Variants in CNTN4 observed in about 807,000 individuals in gnomAD.
CNTN4 encodes the protein contactin-4.
Under a neutral mutation model 122.5 loss-of-function variants are expected in CNTN4, and 77 were observed. The observed-to-expected ratio is 0.63, with a 90% confidence interval of 0.52 to 0.76. The LOEUF is 0.76. Among genes scored for constraint, CNTN4 ranks in the 30% least tolerant of loss-of-function variants. The probability of loss-of-function intolerance (pLI) is 0.00; values close to 1 mark genes in which losing one functional copy is unlikely to be tolerated. For synonymous variants in CNTN4, 512 were observed against 447.0 expected, an observed-to-expected ratio of 1.15 and a Z score of -1.83; for missense variants, 1,256 against 1,259.1, an observed-to-expected ratio of 1.00 and a Z score of 0.04.
At chr3:3,044,487 A>G (rs542146543) in intron 23 of CNTN4, among the ~76,000 whole-genome samples, 7 of 152,294 alleles carry the variant, frequency 4.6e-5, no homozygotes, top group Admixed American at 4.6e-4. Context: ...CATGCTCTCT[A>G]TGAGGCCTTT....
chr3:2,242,499 T>C lies in CNTN4; in HGVS notation c.-144-96679T>C, dbSNP rs540486217. Among the ~76,000 whole-genome samples, 25 of 152,248 alleles carry C rather than the reference T, an allele frequency of 1.6e-4. No individual in the cohort carries two copies. In the South Asian group the frequency reaches 3.5e-3, roughly 21 times the overall value. On this transcript the variant is annotated intron_variant, in intron 2 of 24. Coordinates refer to ENST00000418658, the MANE Select transcript of CNTN4 (RefSeq NM_175607.3). ...AGGATGTGCAGGTTTGTTACATAGGTAAATGTGAAGCAGAGACACTTTTTT... is the reference window on the plus strand; with the variant it reads ...AGGATGTGCAGGTTTGTTACATAGGCAAATGTGAAGCAGAGACACTTTTTT...
chr3:2,258,694 A>G (rs77346945), intron 2 of CNTN4, among the ~76,000 whole-genome samples: 2,626 of 152,126 alleles, frequency 0.017, 82 homozygotes, highest in African/African-American at 0.059. Context: ...CTATTTCTCA[A>G]TTTATTTCTG....
chr3:2,311,305 G>C (rs1054183003), intron 2 of CNTN4, among the ~76,000 whole-genome samples: 1 of 152,032 alleles, frequency 6.6e-6, no homozygotes, highest in Non-Finnish European at 1.5e-5. Flanking sequence ...TCTTGCCTCT[G>C]TCTTTCCGTC....
At chr3:2,183,271 C>T (rs1302611917) in intron 2 of CNTN4, among the ~76,000 whole-genome samples, 3 of 152,134 alleles carry the variant, frequency 2.0e-5, no homozygotes, top group Non-Finnish European at 4.4e-5. Context: ...AGATCCTTCA[C>T]TGAGATATCC....
At chr3:2,654,040 A>C (rs2150220628) in intron 4 of CNTN4, among the ~76,000 whole-genome samples, 1 of 152,338 alleles carries the variant, frequency 6.6e-6, no homozygotes, top group South Asian at 2.1e-4. Flanking sequence ...CTTGGTAGAC[A>C]AAACTTAAGT....
At chr3:2,629,722 T>A in intron 4 of CNTN4, 1 of 325,642 alleles carries the variant, frequency 3.1e-6, no homozygotes, top group South Asian at 2.6e-5. Context: ...ATCGGTTGAC[T>A]GTATAATACG....
At chr3:2,626,215 A>G (rs9855382) in intron 4 of CNTN4, among the ~76,000 whole-genome samples, 1 of 152,042 alleles carries the variant, frequency 6.6e-6, no homozygotes, top group African/African-American at 2.4e-5. Context: ...TTTCTTTATG[A>G]TTGTACTTTG....
intron 2 of CNTN4, among the ~76,000 whole-genome samples, chr3:2,181,812 C>T (rs1468504281): frequency 2.0e-5 from 3 of 152,006 alleles, no homozygotes; most frequent in African/African-American, 7.2e-5. Context: ...AATAAATTCC[C>T]GGTCAGAGAA....
intron 2 of CNTN4, among the ~76,000 whole-genome samples, chr3:2,311,093 C>A (rs1263065303): frequency 6.6e-6 from 1 of 152,026 alleles, no homozygotes; most frequent in South Asian, 2.1e-4. Context: ...TAAAAACACA[C>A]CTACCTTTCC....
In CNTN4 at chr3:2,248,333, C is replaced by G. The variant is rs139177334; in HGVS notation, c.-144-90845C>G. On this transcript the variant is annotated intron_variant, in intron 2 of 24. Transcript: ENST00000418658. ...GTGTCTATGTAAGTAACATAGACAA[C>G]AAATAGCCCTGAAAAAAAGGAGTAA... is the stretch of plus-strand genomic sequence containing the variant. 1.6e-3 allele frequency among the ~76,000 whole-genome samples: 243 copies of G among 151,960 alleles called. 2 individuals carry two copies. Among genetic ancestry groups the G allele is most frequent in the African/African-American group, 5.6e-3 (231 of 41,474 alleles).
chr3:2,999,586 TTCCAGAGGGGAGGAACACTGTG>T (rs1232314134), intron 14 of CNTN4, among the ~76,000 whole-genome samples: 3 of 152,124 alleles, frequency 2.0e-5, no homozygotes, highest in Admixed American at 6.5e-5. Flanking sequence ...ATACTGCATC[TTCCAGAGGGGAGGAACACTGTG>T]TCCAGAGGGG....
chr3:2,428,891 A>G (rs2047948941), intron 3 of CNTN4, among the ~76,000 whole-genome samples: 1 of 152,188 alleles, frequency 6.6e-6, no homozygotes, highest in Non-Finnish European at 1.5e-5. Flanking sequence ...TGCATGCATC[A>G]GGTAGTACTC....
intron 3 of CNTN4, among the ~76,000 whole-genome samples, chr3:2,540,054 T>C (rs2077970981): frequency 6.7e-6 from 1 of 149,186 alleles, no homozygotes; most frequent in African/African-American, 2.5e-5. Context: ...TATGCCATAA[T>C]CTGCTTCATC....
At chr3:2,588,117 G>C (rs1304360539) in intron 4 of CNTN4, among the ~76,000 whole-genome samples, 1 of 151,526 alleles carries the variant, frequency 6.6e-6, no homozygotes, top group Non-Finnish European at 1.5e-5. Context: ...AGTATCACTT[G>C]TTATAAGTAA....
At chr3:2,514,705 T>C (rs2076990581) in intron 3 of CNTN4, among the ~76,000 whole-genome samples, 1 of 152,118 alleles carries the variant, frequency 6.6e-6, no homozygotes, top group African/African-American at 2.4e-5. Context: ...AAATGAAGTA[T>C]GATTTCTGTG....
chr3:2,901,350 A>G (rs1316108710), intron 11 of CNTN4, among the ~76,000 whole-genome samples: 1 of 152,170 alleles, frequency 6.6e-6, no homozygotes, highest in Non-Finnish European at 1.5e-5. Flanking sequence ...CCAAATTGAG[A>G]GGCAGTCTTT....
intron 4 of CNTN4, among the ~76,000 whole-genome samples, chr3:2,644,699 G>C (rs1193088917): frequency 6.7e-6 from 1 of 149,114 alleles, no homozygotes; most frequent in Non-Finnish European, 1.5e-5. Flanking sequence ...CAGAAACTAG[G>C]ACATTTGGGC....
chr3:2,405,160 T>C (rs181657764), intron 3 of CNTN4, among the ~76,000 whole-genome samples: 3 of 152,304 alleles, frequency 2.0e-5, no homozygotes, highest in South Asian at 2.1e-4. Context: ...TCATCCAGTT[T>C]CAGAGCAGGG....
chr3:2,327,836 C>T (rs2043524176), intron 2 of CNTN4, among the ~76,000 whole-genome samples: 1 of 152,140 alleles, frequency 6.6e-6, no homozygotes, highest in African/African-American at 2.4e-5. Context: ...ATATAGGTGA[C>T]AGTGTTCAGG....
Sources: allele counts gnomAD v4.1 joint callset (sites outside exome capture counted in the v4.1 genomes callset), GRCh38; gene constraint gnomAD v4.1.1; transcripts MANE v1.5; gene names NCBI Gene and HGNC (gene_info 2026-07-23, HGNC 2026-07-21).